The following GRID2 variants were observed in gnomAD, a reference collection of about 807,000 sequenced individuals.
GRID2 encodes glutamate ionotropic receptor delta type subunit 2.
A neutral mutation model predicts 114.8 loss-of-function variants in GRID2; 33 were observed. The observed-to-expected ratio is 0.29, with a 90% CI of 0.22 to 0.38. GRID2 has a LOEUF of 0.38. Among genes scored for constraint, GRID2 ranks in the 10% least tolerant of loss-of-function variants. The probability of loss-of-function intolerance (pLI) is 1.00; values close to 1 mark genes in which losing one functional copy is unlikely to be tolerated. For missense variants in GRID2, 1,184 were observed against 1,257.7 expected (o/e 0.94, Z 0.89); for synonymous variants, 505 against 449.9 (o/e 1.12, Z -1.55).
intron 2 of GRID2, among the ~76,000 whole-genome samples, chr4:93,019,416 G>T (rs151269430): frequency 2.5e-3 from 377 of 152,226 alleles, no homozygotes; most frequent in Non-Finnish European, 4.4e-3. Flanking sequence ...TCAAGTTTAA[G>T]AAACCCTGAG....
intron 8 of GRID2, among the ~76,000 whole-genome samples, chr4:93,327,517 A>G (rs1435260773): frequency 3.9e-5 from 6 of 152,176 alleles, no homozygotes; most frequent in Admixed American, 3.9e-4. Flanking sequence ...TAGTCAGTAT[A>G]CAAGACTATT....
At chr4:93,677,069 C>A (rs928827214) in intron 14 of GRID2, among the ~76,000 whole-genome samples, 5 of 152,138 alleles carry the variant, frequency 3.3e-5, no homozygotes, top group African/African-American at 1.2e-4. Context: ...CGGGTCACTC[C>A]CACCCAAATA....
At chr4:93,457,476 T>C (rs1441690259) in intron 11 of GRID2, among the ~76,000 whole-genome samples, 2 of 152,050 alleles carry the variant, frequency 1.3e-5, no homozygotes, top group Non-Finnish European at 2.9e-5. Flanking sequence ...GATCAGATAT[T>C]TAAAGATAAT....
At chr4:93,475,502 A>G (rs1467443824) in intron 11 of GRID2, among the ~76,000 whole-genome samples, 1 of 152,170 alleles carries the variant, frequency 6.6e-6, no homozygotes, top group Admixed American at 6.6e-5. Context: ...GCTGGTTTTA[A>G]ATGACATTTT....
intron 1 of GRID2, among the ~76,000 whole-genome samples, chr4:92,394,953 C>T (rs548420382): frequency 1.3e-5 from 2 of 151,506 alleles, no homozygotes; most frequent in African/African-American, 2.4e-5. Context: ...GTTGTTCATT[C>T]TTAGAGCACA....
intron 4 of GRID2, among the ~76,000 whole-genome samples, chr4:93,173,967 G>A (rs982738130): frequency 2.6e-5 from 4 of 152,038 alleles, no homozygotes; most frequent in African/African-American, 9.7e-5. Flanking sequence ...TGTATTTAGA[G>A]GTAATTAAAA....
At chr4:92,977,260 C>T (rs1753936376) in intron 2 of GRID2, among the ~76,000 whole-genome samples, 1 of 152,054 alleles carries the variant, frequency 6.6e-6, no homozygotes, top group South Asian at 2.1e-4. Context: ...TAATGGGAGA[C>T]ATTTTCCCTA....
At chr4:92,483,157 G>A (rs1490366240) in intron 1 of GRID2, among the ~76,000 whole-genome samples, 1 of 152,118 alleles carries the variant, frequency 6.6e-6, no homozygotes, top group Non-Finnish European at 1.5e-5. Flanking sequence ...GGCCAATATG[G>A]CGAAAACCTG....
At chr4:92,966,112 C>T (rs1056867891) in intron 2 of GRID2, among the ~76,000 whole-genome samples, 8 of 151,840 alleles carry the variant, frequency 5.3e-5, no homozygotes, top group South Asian at 2.1e-4. Flanking sequence ...TGGACTTCCA[C>T]GCTATGCAAG....
At chr4:92,851,189 C>T (rs1027734530) in intron 2 of GRID2, among the ~76,000 whole-genome samples, 1 of 151,700 alleles carries the variant, frequency 6.6e-6, no homozygotes, top group Non-Finnish European at 1.5e-5. Context: ...TACTGCTAGA[C>T]CTAAAATATT....
At chr4:93,688,655 T>C (rs1441031053) in intron 14 of GRID2, among the ~76,000 whole-genome samples, 1 of 152,044 alleles carries the variant, frequency 6.6e-6, no homozygotes, top group Non-Finnish European at 1.5e-5. Flanking sequence ...GAAAGGCAAG[T>C]ACAAAATATT....
intron 2 of GRID2, among the ~76,000 whole-genome samples, chr4:92,796,219 G>C (rs571593326): frequency 1.3e-5 from 2 of 151,974 alleles, no homozygotes; most frequent in South Asian, 2.1e-4. Flanking sequence ...GGCTGAACTA[G>C]AGATACTGTG....
At chr4:92,876,449 T>G (rs900202983) in intron 2 of GRID2, among the ~76,000 whole-genome samples, 1 of 151,850 alleles carries the variant, frequency 6.6e-6, no homozygotes, top group East Asian at 1.9e-4. Context: ...GGACTACAGG[T>G]GCCTGCCACC....
intron 1 of GRID2, among the ~76,000 whole-genome samples, chr4:92,314,501 AG>A (rs1725868066): frequency 2.0e-5 from 3 of 152,212 alleles, no homozygotes; most frequent in African/African-American, 7.2e-5. Context: ...TAATGTGTAG[AG>A]GGACAAAAAG....
chr4:92,851,887 ACTTT>A (rs1743832337), intron 2 of GRID2, among the ~76,000 whole-genome samples: 1 of 151,944 alleles, frequency 6.6e-6, no homozygotes, highest in South Asian at 2.1e-4. Flanking sequence ...AAAAATATGT[ACTTT>A]CTTTGCAAAA....
intron 2 of GRID2, among the ~76,000 whole-genome samples, chr4:92,657,210 T>A (rs897527974): frequency 6.6e-6 from 1 of 150,946 alleles, no homozygotes; most frequent in African/African-American, 2.4e-5. Flanking sequence ...CTTACTACTT[T>A]TATCAATATA....
intron 12 of GRID2, among the ~76,000 whole-genome samples, chr4:93,513,583 T>A (rs889617105): frequency 6.6e-6 from 1 of 152,300 alleles, no homozygotes; most frequent in Admixed American, 6.5e-5. Context: ...CGTTCAATAT[T>A]TTAGAATATT....
chr4:93,120,174 G>T (rs529428161), intron 4 of GRID2, among the ~76,000 whole-genome samples: 1 of 152,270 alleles, frequency 6.6e-6, no homozygotes, highest in African/African-American at 2.4e-5. Flanking sequence ...AACCATTGTG[G>T]AAGACAGTGT....
At chr4:93,219,180 A>G (rs1283976186) in intron 6 of GRID2, among the ~76,000 whole-genome samples, 1 of 152,232 alleles carries the variant, frequency 6.6e-6, no homozygotes, top group African/African-American at 2.4e-5. Flanking sequence ...GATTTAGAAA[A>G]TTATAAAATA....
Sources: allele counts gnomAD v4.1 joint callset (sites outside exome capture counted in the v4.1 genomes callset), GRCh38; gene constraint gnomAD v4.1.1; transcripts MANE v1.5; gene names NCBI Gene and HGNC (gene_info 2026-07-23, HGNC 2026-07-21).